KALRN: variants seen among roughly 807,000 people sequenced by gnomAD.
KALRN encodes kalirin RhoGEF kinase.
Under a neutral mutation model 353.7 loss-of-function variants are expected in KALRN, and 70 were observed. The observed-to-expected ratio is 0.20, with a 90% CI of 0.16 to 0.24. KALRN has a LOEUF of 0.24. Among genes scored for constraint, KALRN ranks in the 10% least tolerant of loss-of-function variants. The probability of loss-of-function intolerance (pLI) is 1.00; values close to 1 mark genes in which losing one functional copy is unlikely to be tolerated. For synonymous variants in KALRN, 1,391 were observed against 1,434.8 expected (o/e 0.97, Z 0.69); for missense variants, 2,791 against 3,756.7 (o/e 0.74, Z 6.72).
At chr3:124,561,856 A>AG (rs2072060345) in intron 33 of KALRN, among the ~76,000 whole-genome samples, 2 of 152,170 alleles carry the variant, frequency 1.3e-5, no homozygotes, top group Non-Finnish European at 2.9e-5. Context: ...CAAGAGGGAG[A>AG]CTGTACTTAG....
At chr3:124,631,828 C>T (rs1040151393) in intron 34 of KALRN, among the ~76,000 whole-genome samples, 1 of 152,244 alleles carries the variant, frequency 6.6e-6, no homozygotes, top group Non-Finnish European at 1.5e-5. Context: ...ACCCAGCTCC[C>T]AGTAGCTTTT....
In KALRN at chr3:124,413,610, G is replaced by A; in HGVS notation, c.2487G>A (p.Glu829=). ...RKLAMNNMTF[E]VIQQGQDLHQ... is the part of the protein sequence containing the mutation. Reference sequence around the variant, plus strand: ...TAGCCATGAACAACATGACCTTTGAGGTTATCCAGCAGGGACAGGATCTGC... The same window carrying A: ...TAGCCATGAACAACATGACCTTTGAAGTTATCCAGCAGGGACAGGATCTGC... The change falls in exon 14 of 60, where the codon GAG becomes GAA. Residue 829 remains glutamate, a synonymous_variant. Transcript: ENST00000682506. 2 of 1,614,148 alleles carry A rather than the reference G, an allele frequency of 1.2e-6. No individual in the cohort carries two copies. Among genetic ancestry groups the A allele is most frequent in the Non-Finnish European group, 1.7e-6 (2 of 1,180,020 alleles).
chr3:124,555,414 AAAATAAATAAATAAATAAAT>A lies in KALRN; in HGVS notation c.4936-7397_4936-7378del, dbSNP rs199686367. ...GGGTGACAGAGCGAGACTCTGTCCCAAAATAAATAAATAAATAAATAAATAAATAAATAAATAAATAAATA... is the reference window on the plus strand; with the variant it reads ...GGGTGACAGAGCGAGACTCTGTCCCAAAATAAATAAATAAATAAATAAATA... On this transcript the variant is annotated intron_variant, in intron 33 of 59. Coordinates refer to ENST00000682506, the MANE Select transcript of KALRN (RefSeq NM_001388419.1). Among the ~76,000 whole-genome samples the A allele has an allele frequency of 7.8e-3, 1,074 of 137,184 alleles. 7 individuals carry two copies. The highest frequency in any genetic ancestry group is 0.012 in the Non-Finnish European group (767 of 64,242). The allele number at this position is 137,184 out of a possible 152,430, so 90.0% of individuals were successfully genotyped here.
Position 124,392,505 on chromosome 3 carries a change from A to G in KALRN, c.1963-2630A>G, listed in dbSNP as rs530927424. On this transcript the variant is annotated intron_variant, in intron 11 of 59. Transcript: ENST00000682506. ...ATAAGTAACTTACCCAAGATTATAT[A>G]GCTAATATGTGGTAGAACTAGGATT... 2.0e-4 allele frequency among the ~76,000 whole-genome samples: 30 copies of G among 151,644 alleles called. No homozygotes were observed. The Middle Eastern group carries it at 0.014, about 70-fold the overall frequency.
intron 3 of KALRN, among the ~76,000 whole-genome samples, chr3:124,263,135 T>A (rs1385780659): frequency 6.6e-6 from 1 of 152,244 alleles, no homozygotes; most frequent in Admixed American, 6.5e-5. Context: ...AATGTTTAAA[T>A]AAACTTTGCT....
intron 1 of KALRN, among the ~76,000 whole-genome samples, chr3:124,147,888 A>C (rs923151110): frequency 6.6e-6 from 1 of 152,240 alleles, no homozygotes; most frequent in Non-Finnish European, 1.5e-5. Context: ...TGAGGCACAC[A>C]GTTGATCCTC....
At chr3:124,043,270 A>G (rs910486680) in intron 1 of KALRN, among the ~76,000 whole-genome samples, 2 of 152,020 alleles carry the variant, frequency 1.3e-5, no homozygotes, top group Non-Finnish European at 2.9e-5. Context: ...GAAAGGTTTG[A>G]CTGTGAAGGG....
intron 34 of KALRN, among the ~76,000 whole-genome samples, chr3:124,617,936 C>CA (rs2078802766): frequency 6.6e-6 from 1 of 152,052 alleles, no homozygotes; most frequent in Admixed American, 6.6e-5. Flanking sequence ...CAAAGCGATA[C>CA]AATTGCTCTG....
chr3:124,301,390 C>T (rs2077256644), intron 6 of KALRN, among the ~76,000 whole-genome samples: 1 of 152,130 alleles, frequency 6.6e-6, no homozygotes, highest in Non-Finnish European at 1.5e-5. Flanking sequence ...TATGCAACAG[C>T]CAATTAGTGT....
At chr3:124,052,586 CA>C (rs34983152) in intron 1 of KALRN, among the ~76,000 whole-genome samples, 1 of 152,076 alleles carries the variant, frequency 6.6e-6, no homozygotes, top group Non-Finnish European at 1.5e-5. Context: ...TCCAGCATCT[CA>C]AAAGGAGAAA....
At chr3:124,273,412 G>A (rs934177329) in intron 5 of KALRN, among the ~76,000 whole-genome samples, 1 of 152,230 alleles carries the variant, frequency 6.6e-6, no homozygotes, top group African/African-American at 2.4e-5. Context: ...ATCTAATTAA[G>A]CAAGTGAGCA....
chr3:124,633,998 C>T (rs370241997), intron 36 of KALRN, 45 bp downstream of exon 36: 68 of 1,503,754 alleles, frequency 4.5e-5, no homozygotes, highest in African/African-American at 2.6e-4. Flanking sequence ...ACGTGCCGTG[C>T]GTGATTTTGT....
At chr3:124,551,314 AG>A (rs2070500707) in intron 33 of KALRN, among the ~76,000 whole-genome samples, 1 of 152,246 alleles carries the variant, frequency 6.6e-6, no homozygotes, top group Non-Finnish European at 1.5e-5. Flanking sequence ...ACACTGAAGA[AG>A]GTAAGGTCAG....
intron 5 of KALRN, among the ~76,000 whole-genome samples, chr3:124,272,897 G>A (rs998388738): frequency 6.6e-6 from 1 of 152,124 alleles, no homozygotes; most frequent in African/African-American, 2.4e-5. Context: ...CTGTGAGTGT[G>A]GATCCACATC....
intron 3 of KALRN, among the ~76,000 whole-genome samples, chr3:124,254,715 G>A (rs941996491): frequency 6.6e-6 from 1 of 152,108 alleles, no homozygotes; most frequent in Non-Finnish European, 1.5e-5. Flanking sequence ...AAAAAAAGTT[G>A]CCCCAAATTT....
rs558552076 is a variant in KALRN, at chr3:124,561,148, C to A, written c.4936-1695C>A. Among the ~76,000 whole-genome samples the A allele has an allele frequency of 6.9e-3, 1,044 of 152,270 alleles. 13 individuals are homozygous for A. Among genetic ancestry groups the A allele is most frequent in the Middle Eastern group, 0.027 (8 of 292 alleles). ...AGGTATTTTGCTAACTGTAAAAGTA[C>A]TCTAGAGATTTGAGGTGTTTCCATC... On this transcript the variant is annotated intron_variant, in intron 33 of 59. Transcript: ENST00000682506.
Position 124,224,143 on chromosome 3 carries a change from C to T in KALRN, c.74-3847C>T, listed in dbSNP as rs143481523. On this transcript the variant is annotated intron_variant, in intron 1 of 59. Transcript: ENST00000682506. ...CGTTGGGTCAGGTCCATGAAGGTGC[C>T]ATCCCTGATTTTGTTTTTTTTTTTT... is the stretch of plus-strand genomic sequence containing the variant. Among the ~76,000 whole-genome samples the T allele has an allele frequency of 2.8e-3, 414 of 147,590 alleles. 1 individual carries two copies. The highest frequency in any genetic ancestry group is 9.6e-3 in the African/African-American group (380 of 39,616).
chr3:124,382,858 G>A (rs762862155), intron 10 of KALRN, among the ~76,000 whole-genome samples: 1 of 152,086 alleles, frequency 6.6e-6, no homozygotes, highest in Non-Finnish European at 1.5e-5. Flanking sequence ...CAGCCGTAGA[G>A]GTCTACCCTT....
Position 124,434,424 on chromosome 3 carries a change from G to A in KALRN, c.2947G>A (p.Ala983Thr). Residue 983 changes from alanine to threonine, a missense_variant, in exon 17 of 60, where the codon GCT (alanine) becomes ACT (threonine). Physicochemically the swap from Ala to Thr is moderately conservative, Grantham distance 58. Around this residue, in one of 11 missense-constraint regions of KALRN, gnomAD observed 452 missense variants for 575.8 expected, o/e 0.78. Coordinates refer to ENST00000682506, the MANE Select transcript of KALRN (RefSeq NM_001388419.1). ...CGATGCCGATGCCATCCGGGAATGT[G>A]CTGAGAAGGTGGCCCTCCACTGGCA... The part of the protein sequence containing the change: ...HYDADAIREC[A>T]EKVALHWQQL... The A allele has an allele frequency of 1.2e-6, 2 of 1,614,242 alleles. No individual in the cohort carries two copies. Among genetic ancestry groups the A allele is most frequent in the East Asian group, 2.2e-5 (1 of 44,884 alleles).
Sources: gnomAD v4.1 joint callset for allele counts (sites outside exome capture counted in the v4.1 genomes callset) on GRCh38, gnomAD v4.1.1 for gene constraint, gnomAD v4.1.1 regional missense constraint, MANE v1.5 for transcripts, NCBI Gene and HGNC (gene_info 2026-07-23, HGNC 2026-07-21) for gene names.